The following TIPRL variants were observed in gnomAD, a reference collection of about 807,000 sequenced individuals.
TIPRL encodes TIP41-like protein.
TIPRL carries 10 observed loss-of-function variants against 32.3 expected under a neutral mutation model. That is an observed-to-expected ratio of 0.31 (90% CI 0.19 to 0.52). TIPRL has a LOEUF of 0.52. Among genes scored for constraint, TIPRL ranks in the 20% least tolerant of loss-of-function variants. TIPRL has a pLI of 0.96. For missense variants in TIPRL, 250 were observed against 328.1 expected (o/e 0.76, Z 1.84); for synonymous variants, 100 against 114.0 (o/e 0.88, Z 0.78).
chr1:168,193,661 G>T (rs2102311840), intron 4 of TIPRL, among the ~76,000 whole-genome samples: 1 of 152,310 alleles, frequency 6.6e-6, no homozygotes, highest in Middle Eastern at 3.4e-3. Context: ...GGAGTTGCTT[G>T]AAAGGATATG....
chr1:168,192,277 C>A, intron 4 of TIPRL: 1 of 1,261,278 alleles, frequency 7.9e-7, no homozygotes, highest in Non-Finnish European at 1.0e-6. Flanking sequence ...ACCCGGGAGG[C>A]GGAGCTTGCA....
In TIPRL at chr1:168,187,610, T is replaced by A. The variant is rs527987582; in HGVS notation, c.384+2732T>A. 2.6e-5 allele frequency among the ~76,000 whole-genome samples: 4 copies of A among 152,344 alleles called. No individual in the cohort carries two copies. In the East Asian group the frequency reaches 7.7e-4, roughly 29 times the overall value. On this transcript the variant is annotated intron_variant, in intron 3 of 6. Coordinates refer to ENST00000367833, the MANE Select transcript of TIPRL (RefSeq NM_152902.5). The stretch of plus-strand genomic sequence containing the variant: ...ATCATTTGCCAGCTTGGAAAAGTAA[T>A]TTAGTCTTACTTAGCCTTGTTTCAG...
intron 4 of TIPRL, chr1:168,192,106 G>T: frequency 8.1e-7 from 1 of 1,237,394 alleles, no homozygotes; most frequent in Non-Finnish European, 1.0e-6. Context: ...GATTAAAAAT[G>T]ATGTTGATAG....
chr1:168,182,728 G>A (rs1476374926), intron 1 of TIPRL, among the ~76,000 whole-genome samples: 1 of 152,208 alleles, frequency 6.6e-6, no homozygotes, highest in Non-Finnish European at 1.5e-5. Flanking sequence ...TATATGAGTG[G>A]AATATTTTAT....
intron 1 of TIPRL, among the ~76,000 whole-genome samples, chr1:168,182,388 G>C (rs1699976847): frequency 6.6e-6 from 1 of 152,166 alleles, no homozygotes; most frequent in Non-Finnish European, 1.5e-5. Context: ...CATTTTGGGA[G>C]ACCGAGGCAG....
intron 3 of TIPRL, among the ~76,000 whole-genome samples, chr1:168,187,244 A>G (rs749480829): frequency 1.1e-4 from 16 of 152,176 alleles, no homozygotes; most frequent in African/African-American, 1.4e-4. Flanking sequence ...TGTAGAGACC[A>G]TTTAATATTT....
chr1:168,191,318 GCTC>G (rs769917316), intron 3 of TIPRL, 48 bp from the exon 4 acceptor site: 1 of 1,476,996 alleles, frequency 6.8e-7, no homozygotes, highest in Non-Finnish European at 9.0e-7. Flanking sequence ...TGTCTCTGTA[GCTC>G]CTCAACTTTT....
chr1:168,191,119 G>GA (rs1465464222), intron 3 of TIPRL, among the ~76,000 whole-genome samples: 2 of 152,244 alleles, frequency 1.3e-5, no homozygotes, highest in Non-Finnish European at 2.9e-5. Flanking sequence ...TGACTTGCAT[G>GA]AAAAATGATA....
chr1:168,199,621 C>G (rs1260432986), intron 6 of TIPRL, among the ~76,000 whole-genome samples: 2 of 152,076 alleles, frequency 1.3e-5, no homozygotes, highest in African/African-American at 4.8e-5. Flanking sequence ...TTTCAAGTTA[C>G]AAAAGCAGGA....
chr1:168,191,365 T>C lies in TIPRL; in HGVS notation c.385-4T>C, dbSNP rs746772054. ...GTGCTCCTCTTTAAAATTTTTTCTTTCAGGTTGTACCTACAACAGATCATA... is the reference window on the plus strand; with the variant it reads ...GTGCTCCTCTTTAAAATTTTTTCTTCCAGGTTGTACCTACAACAGATCATA... On this transcript the variant is annotated splice_polypyrimidine_tract_variant and splice_region_variant and intron_variant, in intron 3 of 6. Coordinates refer to ENST00000367833, the MANE Select transcript of TIPRL (RefSeq NM_152902.5). 1 of 1,519,204 alleles carries C rather than the reference T, an allele frequency of 6.6e-7. No homozygotes were observed. The highest frequency in any genetic ancestry group is 8.7e-7 in the Non-Finnish European group (1 of 1,146,818). 94.1% of individuals were successfully genotyped at this position (1,519,204 alleles called of 1,614,324 possible).
rs768711827 is a variant in TIPRL, at chr1:168,179,118, G to C, written c.41G>C (p.Cys14Ser). The change falls in exon 1 of 7, where the codon TGC becomes TCC. Residue 14 changes from cysteine (C) to serine (S), a missense_variant. By Grantham distance (112) the Cys-to-Ser change is moderately radical. Transcript: ENST00000367833. ...TTCCAGAGCAGCCACCGGGATTTCT[G>C]CTTCGGGCCCTGGAAGCTGACGGCG... The part of the protein sequence containing the change: ...HGFQSSHRDF[C>S]FGPWKLTASK... 1.9e-6 allele frequency: 3 copies of C among 1,614,040 alleles called. No homozygotes were observed. The highest frequency in any genetic ancestry group is 1.1e-5 in the South Asian group (1 of 91,082).
chr1:168,179,847 A>C (rs1198531948), intron 1 of TIPRL, among the ~76,000 whole-genome samples: 1 of 151,964 alleles, frequency 6.6e-6, no homozygotes, highest in Admixed American at 6.6e-5. Flanking sequence ...ATCTTGACAA[A>C]ATTTAGGGGA....
chr1:168,179,272 C>T, intron 1 of TIPRL, 91 bp downstream of exon 1: 1 of 1,155,796 alleles, frequency 8.7e-7, no homozygotes, highest in East Asian at 2.6e-5. Context: ...CTCCCCTTTT[C>T]CCTGAGGCGG....
intron 3 of TIPRL, among the ~76,000 whole-genome samples, chr1:168,187,926 T>C (rs1379075194): frequency 6.6e-6 from 1 of 152,176 alleles, no homozygotes; most frequent in Non-Finnish European, 1.5e-5. Context: ...GAGCTGTGAT[T>C]GTGCCACTGT....
Position 168,191,903 on chromosome 1 carries a change from G to T in TIPRL, c.516+403G>T, listed in dbSNP as rs181147910. Among the ~76,000 whole-genome samples the T allele has an allele frequency of 5.3e-4, 78 of 147,972 alleles. No individual in the cohort carries two copies. In the East Asian group the frequency reaches 0.015, roughly 28 times the overall value. On this transcript the variant is annotated intron_variant, in intron 4 of 6. Coordinates refer to ENST00000367833, the MANE Select transcript of TIPRL (RefSeq NM_152902.5). ...AAAGAATAACACTGAGCTTTAACATGATGTCATGTACAATTTCACTTGAAT... is the reference window on the plus strand; with the variant it reads ...AAAGAATAACACTGAGCTTTAACATTATGTCATGTACAATTTCACTTGAAT...
chr1:168,179,808 T>C (rs1699938480), intron 1 of TIPRL, among the ~76,000 whole-genome samples: 1 of 151,474 alleles, frequency 6.6e-6, no homozygotes, highest in South Asian at 2.1e-4. Flanking sequence ...GCAGAGTGAG[T>C]TGTGATGCGT....
intron 1 of TIPRL, among the ~76,000 whole-genome samples, chr1:168,180,358 T>G (rs1171246880): frequency 6.6e-6 from 1 of 152,026 alleles, no homozygotes; most frequent in African/African-American, 2.4e-5. Context: ...AGGGTGTTGG[T>G]TAGAGGATGA....
chr1:168,185,698 A>C (rs545641496), intron 3 of TIPRL, among the ~76,000 whole-genome samples: 2 of 146,470 alleles, frequency 1.4e-5, no homozygotes, highest in Non-Finnish European at 3.0e-5. Context: ...TGAACCCGGG[A>C]GGTGGAGGTT....
intron 4 of TIPRL, 113 bp from the exon 5 acceptor site, chr1:168,196,434 C>A: frequency 1.6e-6 from 1 of 606,752 alleles, no homozygotes; most frequent in Non-Finnish European, 2.6e-6. Context: ...ACTGTGAATT[C>A]AGCCTTATTC....
Sources: gnomAD v4.1 joint callset for allele counts (sites outside exome capture counted in the v4.1 genomes callset) on GRCh38, gnomAD v4.1.1 for gene constraint, MANE v1.5 for transcripts, NCBI Gene and HGNC (gene_info 2026-07-23, HGNC 2026-07-21) for gene names.